The following TNR variants were observed in gnomAD, a reference collection of about 807,000 sequenced individuals.
TNR encodes the protein tenascin R.
A neutral mutation model predicts 150.4 loss-of-function variants in TNR; 45 were observed. That is an observed-to-expected ratio of 0.30 (90% CI 0.24 to 0.38). TNR has a LOEUF of 0.38. Among genes scored for constraint, TNR ranks in the 10% least tolerant of loss-of-function variants. The pLI is 1.00. For synonymous variants in TNR, 687 were observed against 678.4 expected (o/e 1.01, Z -0.20); for missense variants, 1,544 against 1,759.1 (o/e 0.88, Z 2.19).
intron 1 of TNR, among the ~76,000 whole-genome samples, chr1:175,633,591 T>C (rs747415853): frequency 6.6e-5 from 10 of 152,188 alleles, no homozygotes; most frequent in Non-Finnish European, 1.3e-4. Flanking sequence ...ATTATTTAAT[T>C]ACCAAATCTC....
intron 1 of TNR, among the ~76,000 whole-genome samples, chr1:175,711,143 G>A (rs1175153072): frequency 6.6e-6 from 1 of 152,150 alleles, no homozygotes; most frequent in Non-Finnish European, 1.5e-5. Context: ...CAAGAAATAA[G>A]TAGACTATAT....
chr1:175,339,364 A>G (rs964506580), intron 18 of TNR, among the ~76,000 whole-genome samples: 8 of 152,244 alleles, frequency 5.3e-5, no homozygotes, highest in African/African-American at 9.6e-5. Context: ...TCAAATATCC[A>G]TACCCTCTCA....
intron 2 of TNR, among the ~76,000 whole-genome samples, chr1:175,519,542 T>C (rs1659550985): frequency 6.6e-6 from 1 of 152,210 alleles, no homozygotes; most frequent in African/African-American, 2.4e-5. Flanking sequence ...TACCATTTCA[T>C]TACCTCAAGC....
At chr1:175,482,350 G>A (rs1457317290) in intron 2 of TNR, among the ~76,000 whole-genome samples, 2 of 152,188 alleles carry the variant, frequency 1.3e-5, no homozygotes, top group Non-Finnish European at 2.9e-5. Context: ...GCCTGGCTAG[G>A]AGACCGGAAG....
chr1:175,689,799 C>T (rs1666307729), intron 1 of TNR, among the ~76,000 whole-genome samples: 1 of 152,184 alleles, frequency 6.6e-6, no homozygotes, highest in Admixed American at 6.5e-5. Flanking sequence ...TTCTCTCTCT[C>T]ACTGTGCTTA....
At chr1:175,736,825 G>A (rs1667785399) in intron 1 of TNR, among the ~76,000 whole-genome samples, 1 of 151,644 alleles carries the variant, frequency 6.6e-6, no homozygotes. Flanking sequence ...ACCAGCCTGG[G>A]CAATATATCA....
chr1:175,351,517 T>C (rs992944052), intron 18 of TNR, among the ~76,000 whole-genome samples: 4 of 152,230 alleles, frequency 2.6e-5, no homozygotes, highest in Non-Finnish European at 5.9e-5. Context: ...CCTTAGGCTT[T>C]ATTTTATCAG....
At chr1:175,573,208 C>T (rs183616655) in intron 1 of TNR, among the ~76,000 whole-genome samples, 1 of 152,340 alleles carries the variant, frequency 6.6e-6, no homozygotes, top group African/African-American at 2.4e-5. Context: ...CAGCTACTCT[C>T]TGACTTTGAT....
At chr1:175,432,779 C>A (rs1345373327) in intron 2 of TNR, among the ~76,000 whole-genome samples, 10 of 152,142 alleles carry the variant, frequency 6.6e-5, no homozygotes, top group Non-Finnish European at 1.2e-4. Flanking sequence ...CTGGACTTCA[C>A]CCAATATTCA....
At chr1:175,579,842 C>T (rs1324468699) in intron 1 of TNR, among the ~76,000 whole-genome samples, 3 of 152,164 alleles carry the variant, frequency 2.0e-5, no homozygotes, top group Middle Eastern at 6.8e-3. Flanking sequence ...CCAGGCAGGT[C>T]CTGCCTTTTA....
At chr1:175,571,412 G>C (rs182104381) in intron 1 of TNR, among the ~76,000 whole-genome samples, 1 of 152,150 alleles carries the variant, frequency 6.6e-6, no homozygotes, top group East Asian at 1.9e-4. Context: ...ATAGATGTAC[G>C]TGTTATTACT....
chr1:175,463,606 C>G (rs532149967), intron 2 of TNR, among the ~76,000 whole-genome samples: 7 of 152,292 alleles, frequency 4.6e-5, no homozygotes, highest in African/African-American at 1.7e-4. Context: ...AAGGAGTTTC[C>G]CTTTCTCGTA....
At chr1:175,437,285 C>A (rs1024985514) in intron 2 of TNR, among the ~76,000 whole-genome samples, 1 of 152,156 alleles carries the variant, frequency 6.6e-6, no homozygotes, top group Non-Finnish European at 1.5e-5. Flanking sequence ...CTACTGGGTA[C>A]ATAACGAAAT....
At chr1:175,473,891 A>G (rs147185473) in intron 2 of TNR, among the ~76,000 whole-genome samples, 1 of 152,282 alleles carries the variant, frequency 6.6e-6, no homozygotes, top group East Asian at 1.9e-4. Flanking sequence ...AATGAAGTGC[A>G]TTAAAATGAG....
chr1:175,661,102 C>T (rs1265697224), intron 1 of TNR, among the ~76,000 whole-genome samples: 1 of 152,180 alleles, frequency 6.6e-6, no homozygotes, highest in Non-Finnish European at 1.5e-5. Context: ...ATGTGCATCC[C>T]ACTCACACTT....
chr1:175,568,247 T>C (rs1311457966), intron 1 of TNR, among the ~76,000 whole-genome samples: 4 of 152,060 alleles, frequency 2.6e-5, no homozygotes, highest in Non-Finnish European at 5.9e-5. Flanking sequence ...TATTTAGCTG[T>C]CTGAAGTATG....
chr1:175,594,821 C>T (rs1170135246), intron 1 of TNR, among the ~76,000 whole-genome samples: 1 of 147,068 alleles, frequency 6.8e-6, no homozygotes, highest in East Asian at 2.0e-4. Context: ...GCAACCATTG[C>T]ACTCCAGCCT....
At chr1:175,498,666 G>A (rs1370854318) in intron 2 of TNR, among the ~76,000 whole-genome samples, 2 of 152,186 alleles carry the variant, frequency 1.3e-5, no homozygotes, top group African/African-American at 4.8e-5. Flanking sequence ...TTGAAGTTAA[G>A]CAGAGAAGGA....
intron 2 of TNR, among the ~76,000 whole-genome samples, chr1:175,486,770 T>A (rs1354238024): frequency 1.3e-5 from 2 of 152,210 alleles, no homozygotes; most frequent in Non-Finnish European, 2.9e-5. Context: ...TTTCTCCACA[T>A]CATCTCCAGC....
Sources: allele counts gnomAD v4.1 joint callset (sites outside exome capture counted in the v4.1 genomes callset), GRCh38; gene constraint gnomAD v4.1.1; transcripts MANE v1.5; gene names NCBI Gene and HGNC (gene_info 2026-07-23, HGNC 2026-07-21).